Variants in SNCAIP observed in about 807,000 individuals in gnomAD.
SNCAIP encodes synphilin-1.
SNCAIP carries 43 observed loss-of-function variants against 86.7 expected under a neutral mutation model. That is an observed-to-expected ratio of 0.50 (90% CI 0.39 to 0.64). The LOEUF is 0.64. Among genes scored for constraint, SNCAIP ranks in the 30% least tolerant of loss-of-function variants. The probability of loss-of-function intolerance (pLI) is 0.00; values close to 1 mark genes in which losing one functional copy is unlikely to be tolerated. For synonymous variants in SNCAIP, 417 were observed against 427.2 expected, an observed-to-expected ratio of 0.98 and a Z score of 0.29; for missense variants, 981 against 1,103.1, an observed-to-expected ratio of 0.89 and a Z score of 1.57.
intron 1 of SNCAIP, among the ~76,000 whole-genome samples, chr5:122,342,301 C>T (rs1723526780): frequency 1.3e-5 from 2 of 151,992 alleles, no homozygotes; most frequent in African/African-American, 2.4e-5. Flanking sequence ...AAGAGTGGAA[C>T]CAGCAACTCC....
chr5:122,417,437 A>G (rs1260008760), intron 3 of SNCAIP, among the ~76,000 whole-genome samples: 1 of 152,154 alleles, frequency 6.6e-6, no homozygotes, highest in Non-Finnish European at 1.5e-5. Flanking sequence ...CATTTTACAG[A>G]TGAGGAAACT....
At chr5:122,433,004 A>G (rs1778712148) in intron 6 of SNCAIP, among the ~76,000 whole-genome samples, 1 of 152,112 alleles carries the variant, frequency 6.6e-6, no homozygotes, top group Non-Finnish European at 1.5e-5. Flanking sequence ...TGCTTTTTCA[A>G]GTAAGACAAT....
chr5:122,457,832 T>G (rs773688401), intron 10 of SNCAIP, among the ~76,000 whole-genome samples: 7 of 152,364 alleles, frequency 4.6e-5, no homozygotes, highest in African/African-American at 1.7e-4. Flanking sequence ...TGCCAGGTTT[T>G]GGGGTTTCTA....
At chr5:122,320,663 T>G (rs1752730256) in intron 1 of SNCAIP, among the ~76,000 whole-genome samples, 2 of 152,198 alleles carry the variant, frequency 1.3e-5, no homozygotes, top group Admixed American at 6.5e-5. Context: ...GAAAACTTAG[T>G]TGACAGAGTC....
At chr5:122,370,751 A>G (rs983113079) in intron 1 of SNCAIP, among the ~76,000 whole-genome samples, 5 of 152,194 alleles carry the variant, frequency 3.3e-5, no homozygotes, top group African/African-American at 9.7e-5. Flanking sequence ...CCTAATGTAA[A>G]GGAACATATG....
At chr5:122,322,395 G>T (rs1753126650) in intron 1 of SNCAIP, among the ~76,000 whole-genome samples, 1 of 152,146 alleles carries the variant, frequency 6.6e-6, no homozygotes, top group Non-Finnish European at 1.5e-5. Flanking sequence ...AAAATGGAGG[G>T]AAATATGTTT....
intron 1 of SNCAIP, among the ~76,000 whole-genome samples, chr5:122,326,360 T>A (rs1192037471): frequency 6.6e-6 from 1 of 152,160 alleles, no homozygotes; most frequent in Non-Finnish European, 1.5e-5. Context: ...TTTAGAGTCA[T>A]CTCATCTGTA....
chr5:122,406,140 T>C (rs1211143592), intron 3 of SNCAIP, among the ~76,000 whole-genome samples: 1 of 152,164 alleles, frequency 6.6e-6, no homozygotes, highest in African/African-American at 2.4e-5. Flanking sequence ...ACAGCATCAC[T>C]GTAGAATTAT....
At chr5:122,328,870 T>A in intron 1 of SNCAIP, among the ~76,000 whole-genome samples, 1 of 152,356 alleles carries the variant, frequency 6.6e-6, no homozygotes, top group African/African-American at 2.4e-5. Context: ...ATTGAATAAC[T>A]TGAAGATTCC....
intron 5 of SNCAIP, among the ~76,000 whole-genome samples, chr5:122,430,776 C>T (rs866426109): frequency 1.3e-5 from 2 of 151,816 alleles, no homozygotes; most frequent in African/African-American, 4.8e-5. Context: ...TACTCATAAA[C>T]GACTATAAGA....
In SNCAIP at chr5:122,423,369, C is replaced by T; in HGVS notation, c.632C>T (p.Ser211Phe). 1 of 1,613,650 alleles carries T rather than the reference C, an allele frequency of 6.2e-7. No individual in the cohort carries two copies. The highest frequency in any genetic ancestry group is 8.5e-7 in the Non-Finnish European group (1 of 1,179,698). The change falls in exon 4 of 11, where the codon TCT becomes TTT. Residue 211 changes from serine to phenylalanine, a missense_variant. By Grantham distance (155) the Ser-to-Phe change is radical (BLOSUM62 -2). Coordinates refer to ENST00000261368, the MANE Select transcript of SNCAIP (RefSeq NM_005460.4). ...AACATGGCACCATTTTGTGTTCTTT[C>T]TCCCGTGAAAAGCCCTCACTTGAGA... The part of the protein sequence containing the change: ...SSNMAPFCVL[S>F]PVKSPHLRKA...
intron 10 of SNCAIP, among the ~76,000 whole-genome samples, chr5:122,460,998 C>G (rs1581476265): frequency 6.6e-6 from 1 of 152,282 alleles, no homozygotes; most frequent in East Asian, 1.9e-4. Flanking sequence ...CTGTCTTTTC[C>G]TTTCTATTTT....
intron 1 of SNCAIP, among the ~76,000 whole-genome samples, chr5:122,360,058 TAGGGC>T (rs1761905171): frequency 1.3e-5 from 2 of 152,158 alleles, no homozygotes; most frequent in Non-Finnish European, 2.9e-5. Flanking sequence ...GCACTTGTGG[TAGGGC>T]TCTTTCATGC....
At chr5:122,415,699 C>A (rs889993463) in intron 3 of SNCAIP, among the ~76,000 whole-genome samples, 7 of 152,178 alleles carry the variant, frequency 4.6e-5, no homozygotes, top group African/African-American at 1.7e-4. Flanking sequence ...AACATCGCCA[C>A]CTTCAGTTAA....
At chr5:122,382,143 A>G (rs1355891400) in intron 1 of SNCAIP, among the ~76,000 whole-genome samples, 1 of 152,156 alleles carries the variant, frequency 6.6e-6, no homozygotes, top group African/African-American at 2.4e-5. Context: ...GTGTTTTCCA[A>G]CTTGTTTCCA....
chr5:122,420,820 A>C (rs1776227917), intron 3 of SNCAIP, among the ~76,000 whole-genome samples: 1 of 152,214 alleles, frequency 6.6e-6, no homozygotes, highest in African/African-American at 2.4e-5. Flanking sequence ...TAAATTTATG[A>C]GACCAACTGT....
chr5:122,431,872 A>G (rs1227671783), intron 5 of SNCAIP, 97 bp from the exon 6 acceptor site: 1 of 727,122 alleles, frequency 1.4e-6, no homozygotes, highest in Non-Finnish European at 2.5e-6. Flanking sequence ...GCCAAAATTT[A>G]TATGATTTCT....
At chr5:122,390,673 T>C (rs1561648958) in intron 1 of SNCAIP, among the ~76,000 whole-genome samples, 1 of 152,182 alleles carries the variant, frequency 6.6e-6, no homozygotes, top group Non-Finnish European at 1.5e-5. Context: ...CACCCAAGGA[T>C]ATGCCCACAG....
intron 1 of SNCAIP, among the ~76,000 whole-genome samples, chr5:122,374,678 A>C (rs1178330853): frequency 1.3e-5 from 2 of 152,158 alleles, no homozygotes; most frequent in Non-Finnish European, 2.9e-5. Context: ...AATTGTCATC[A>C]CAACATTTGT....
Sources: gnomAD v4.1 joint callset for allele counts (sites outside exome capture counted in the v4.1 genomes callset) on GRCh38, gnomAD v4.1.1 for gene constraint, MANE v1.5 for transcripts, NCBI Gene and HGNC (gene_info 2026-07-23, HGNC 2026-07-21) for gene names.